Variants in PPIG observed in about 807,000 individuals in gnomAD.
PPIG encodes peptidylprolyl isomerase G.
In PPIG, 26 loss-of-function variants were observed where a neutral mutation model predicts 87.9. The ratio of observed to expected loss-of-function variants is 0.30; its 90% CI spans 0.22 to 0.41. PPIG has a LOEUF of 0.41. Among genes scored for constraint, PPIG ranks in the 10% least tolerant of loss-of-function variants. The pLI is 1.00. For synonymous variants in PPIG, 308 were observed against 276.5 expected (o/e 1.11, Z -1.13); for missense variants, 722 against 879.4 (o/e 0.82, Z 2.26).
chr2:169,627,318 A>G (rs1685915735), intron 9 of PPIG, among the ~76,000 whole-genome samples: 1 of 152,198 alleles, frequency 6.6e-6, no homozygotes, highest in Non-Finnish European at 1.5e-5. Context: ...GCTGGTCTCG[A>G]ACTCCTGACC....
At chr2:169,628,853 GA>G in intron 9 of PPIG, among the ~76,000 whole-genome samples, 1 of 145,368 alleles carries the variant, frequency 6.9e-6, no homozygotes, top group Non-Finnish European at 1.5e-5. Flanking sequence ...GGCCGAGACA[GA>G]AGTATCACTT....
chr2:169,605,233 C>G (rs1210013977), intron 4 of PPIG, among the ~76,000 whole-genome samples: 1 of 152,072 alleles, frequency 6.6e-6, no homozygotes, highest in East Asian at 1.9e-4. Context: ...ACTCGGGAGG[C>G]TCAGACAGGA....
At chr2:169,615,022 C>G (rs1685576689) in intron 9 of PPIG, among the ~76,000 whole-genome samples, 2 of 151,124 alleles carry the variant, frequency 1.3e-5, no homozygotes, top group South Asian at 4.2e-4. Flanking sequence ...CACTTAAAAT[C>G]TTAGTGGTTT....
chr2:169,592,303 C>CTTTTTTTTTT lies in PPIG; in HGVS notation c.-70+7823_-70+7832dup, dbSNP rs777690234. On this transcript the variant is annotated intron_variant, in intron 1 of 13. Transcript: ENST00000260970. Reference sequence around the variant, plus strand: ...GCATCTGGTTTCAGATGTCTTTTTTCTTTTTTTTTTTTTTTTTTTGAGATG... The same window carrying CTTTTTTTTTT: ...GCATCTGGTTTCAGATGTCTTTTTTCTTTTTTTTTTTTTTTTTTTTTTTTTTTTTGAGATG... Among the ~76,000 whole-genome samples the CTTTTTTTTTT allele has an allele frequency of 4.7e-4, 44 of 93,592 alleles. 1 individual carries two copies. The highest frequency in any genetic ancestry group is 6.0e-4 in the Non-Finnish European group (31 of 51,660). The allele number at this position is 93,592 out of a possible 152,430, so 61.4% of individuals were successfully genotyped here. A position where few individuals can be genotyped will look rare whatever the true frequency, so the allele number is the denominator to read the frequency against.
chr2:169,584,814 A>T (rs1016364843), intron 1 of PPIG: 3 of 294,892 alleles, frequency 1.0e-5, no homozygotes, highest in Non-Finnish European at 2.0e-5. Context: ...AAGCTGTAAC[A>T]TGGCGGCAGC....
intron 11 of PPIG, 47 bp from the exon 12 acceptor site, chr2:169,633,113 A>T (rs756218228): frequency 7.1e-7 from 1 of 1,416,472 alleles, no homozygotes; most frequent in Non-Finnish European, 1.0e-6. Flanking sequence ...TCTGGCCAAC[A>T]AAAGTTTTTA....
At chr2:169,593,650 CTTTTT>C (rs57902378) in intron 1 of PPIG, among the ~76,000 whole-genome samples, 2 of 106,188 alleles carry the variant, frequency 1.9e-5, no homozygotes, top group Admixed American at 1.2e-4. Flanking sequence ...TGCTTTATAT[CTTTTT>C]TTTTTTTTTT....
chr2:169,636,837 A>C lies in PPIG; in HGVS notation c.1579A>C (p.Ser527Arg). The change falls in exon 14 of 14, where the codon AGT becomes CGT. Residue 527 changes from serine (S) to arginine (R), a missense_variant. Transcript: ENST00000260970. ...GAAGTCTAAACAGTTAGAATCAAAG[A>C]GTAATGAGCATGATCACAGTAAAAG... Reference protein sequence around the residue: ...KEKSKQLESKSNEHDHSKSKE... With the variant: ...KEKSKQLESKRNEHDHSKSKE... 6.2e-7 allele frequency: 1 copy of C among 1,613,808 alleles called. No homozygotes were observed. Among genetic ancestry groups the C allele is most frequent in the Non-Finnish European group, 8.5e-7 (1 of 1,179,962 alleles).
chr2:169,614,913 A>G (rs1034837172), intron 9 of PPIG, among the ~76,000 whole-genome samples, 189 bp downstream of exon 9: 1 of 152,190 alleles, frequency 6.6e-6, no homozygotes. Flanking sequence ...ACTGTGAACA[A>G]TATGATGTTT....
chr2:169,625,630 C>T (rs571434030), intron 9 of PPIG, among the ~76,000 whole-genome samples: 2 of 152,092 alleles, frequency 1.3e-5, no homozygotes, highest in African/African-American at 4.8e-5. Flanking sequence ...TTGTTGATTC[C>T]TTTACCGCCT....
chr2:169,637,161 G>C lies in PPIG; in HGVS notation c.1903G>C (p.Glu635Gln), dbSNP rs1686202918. ...AGACTCACGGAGCTCAGAGAGAGAA[G>C]AAAGTCAAAGCAGAAACAAAGACAA... ...RRDSRSSERE[E>Q]SQSRNKDKYR... The change falls in exon 14 of 14, where the codon GAA becomes CAA. Residue 635 changes from glutamate to glutamine, a missense_variant. Glu to Gln is a conservative substitution (Grantham distance 29). Transcript: ENST00000260970. 6.2e-7 allele frequency: 1 copy of C among 1,612,598 alleles called. No individual in the cohort carries two copies. The highest frequency in any genetic ancestry group is 1.3e-5 in the African/African-American group (1 of 74,780).
chr2:169,595,817 T>C (rs960691164), intron 1 of PPIG, among the ~76,000 whole-genome samples: 1 of 152,242 alleles, frequency 6.6e-6, no homozygotes, highest in Non-Finnish European at 1.5e-5. Context: ...TGTTTTTTGC[T>C]TTTGAGACTG....
intron 5 of PPIG, 136 bp downstream of exon 5, chr2:169,606,282 A>G: frequency 1.4e-6 from 1 of 727,000 alleles, no homozygotes; most frequent in Non-Finnish European, 2.4e-6. Flanking sequence ...AGAAGTACTC[A>G]TAGAAATATG....
rs73971640 is a variant in PPIG, at chr2:169,591,677, G to A, written c.-70+7187G>A. ...GACAATAAATTTTAACAGCTAATAA[G>A]CAATAGCTAGAATTAGGTCAAACTA... On this transcript the variant is annotated intron_variant, in intron 1 of 13. Coordinates refer to ENST00000260970, the MANE Select transcript of PPIG (RefSeq NM_004792.3). Among the ~76,000 whole-genome samples the A allele has an allele frequency of 9.3e-3, 1,416 of 152,012 alleles. 27 individuals carry two copies. The highest frequency in any genetic ancestry group is 0.032 in the African/African-American group (1,316 of 41,494).
chr2:169,592,507 T>C (rs151105449), intron 1 of PPIG, among the ~76,000 whole-genome samples: 322 of 152,170 alleles, frequency 2.1e-3, no homozygotes, highest in Non-Finnish European at 3.6e-3. Context: ...GGTTTCACCA[T>C]GTTAGCCAGG....
chr2:169,612,237 T>C (rs956819480), intron 7 of PPIG, among the ~76,000 whole-genome samples: 2 of 152,160 alleles, frequency 1.3e-5, no homozygotes, highest in Admixed American at 1.3e-4. Context: ...TTTCCCCCAA[T>C]CCCTGGTAAC....
At chr2:169,615,489 CATGGGAACCACCATTCTTCTCTGTACT>C (rs1399688822) in intron 9 of PPIG, among the ~76,000 whole-genome samples, 1 of 152,188 alleles carries the variant, frequency 6.6e-6, no homozygotes, top group Non-Finnish European at 1.5e-5. Flanking sequence ...TCTCTAATCC[CATGGGAACCACCATTCTTCTCTGTACT>C]TCTGTGACTT....
At chr2:169,616,060 C>T (rs1339949119) in intron 9 of PPIG, among the ~76,000 whole-genome samples, 1 of 152,146 alleles carries the variant, frequency 6.6e-6, no homozygotes, top group Non-Finnish European at 1.5e-5. Context: ...CATGTGTTCT[C>T]ATTGTTCAAC....
chr2:169,587,159 C>T (rs1684726580), intron 1 of PPIG, among the ~76,000 whole-genome samples: 1 of 152,094 alleles, frequency 6.6e-6, no homozygotes, highest in African/African-American at 2.4e-5. Context: ...TCTCAAATTC[C>T]TGACCTCAAG....
Sources: gnomAD v4.1 joint callset for allele counts (sites outside exome capture counted in the v4.1 genomes callset) on GRCh38, gnomAD v4.1.1 for gene constraint, MANE v1.5 for transcripts, NCBI Gene and HGNC (gene_info 2026-07-23, HGNC 2026-07-21) for gene names.